The following PDE4D variants were observed in gnomAD, a reference collection of about 807,000 sequenced individuals.
The protein encoded by PDE4D is phosphodiesterase 4D, also known as 3',5'-cyclic-AMP phosphodiesterase 4D.
Under a neutral mutation model 87.4 loss-of-function variants are expected in PDE4D, and 24 were observed. The observed-to-expected ratio is 0.27, with a 90% CI of 0.20 to 0.39. The LOEUF is 0.39. Among genes scored for constraint, PDE4D ranks in the 10% least tolerant of loss-of-function variants. PDE4D has a pLI of 1.00. For missense variants in PDE4D, 714 were observed against 1,041.0 expected (o/e 0.69, Z 4.32); for synonymous variants, 384 against 383.2 (o/e 1.00, Z -0.02).
At chr5:59,035,850 T>C (rs564763919) in intron 6 of PDE4D, among the ~76,000 whole-genome samples, 2 of 152,342 alleles carry the variant, frequency 1.3e-5, no homozygotes, top group African/African-American at 4.8e-5. Flanking sequence ...GGCAGATTAA[T>C]GTGCTTATAA....
At chr5:60,513,774 G>C (rs1187899510) in intron 1 of PDE4D, among the ~76,000 whole-genome samples, 1 of 151,830 alleles carries the variant, frequency 6.6e-6, no homozygotes, top group Non-Finnish European at 1.5e-5. Flanking sequence ...ATTTTGAACT[G>C]AATAAAAGTG....
chr5:59,983,573 A>G (rs920583041), intron 3 of PDE4D, among the ~76,000 whole-genome samples: 3 of 152,216 alleles, frequency 2.0e-5, no homozygotes, highest in African/African-American at 7.2e-5. Flanking sequence ...CACAAAGAAG[A>G]TATCCAAATG....
In PDE4D at chr5:60,310,898, A is replaced by C. The variant is rs190794030; in HGVS notation, c.-89-125211T>G. ...TCTGCAAGTGGGGGATAATCATTCC[A>C]TGTGCTCTCCTGTGTTCCCACCAGC... On this transcript the variant is annotated intron_variant, in intron 1 of 16. Coordinates refer to the PDE4D transcript ENST00000502484. 1.7e-3 allele frequency among the ~76,000 whole-genome samples: 258 copies of C among 152,268 alleles called. 3 individuals are homozygous for C. Among genetic ancestry groups the C allele is most frequent in the Non-Finnish European group, 2.3e-3 (156 of 68,022 alleles).
At chr5:60,233,282 C>T (rs1746025901) in intron 1 of PDE4D, among the ~76,000 whole-genome samples, 1 of 151,556 alleles carries the variant, frequency 6.6e-6, no homozygotes, top group Non-Finnish European at 1.5e-5. Flanking sequence ...TTAACATCTC[C>T]TATATGATAA....
chr5:59,349,071 AC>A (rs1295791755), intron 1 of PDE4D, among the ~76,000 whole-genome samples: 1 of 152,126 alleles, frequency 6.6e-6, no homozygotes, highest in Non-Finnish European at 1.5e-5. Flanking sequence ...ACAGAGTGAG[AC>A]CCTGCCTCTA....
At chr5:59,644,409 T>A (rs577342371) in intron 1 of PDE4D, among the ~76,000 whole-genome samples, 5 of 152,302 alleles carry the variant, frequency 3.3e-5, no homozygotes, top group African/African-American at 1.2e-4. Context: ...AATGGTTATA[T>A]CAGAGGTACC....
intron 1 of PDE4D, among the ~76,000 whole-genome samples, chr5:59,322,648 C>G (rs985991075): frequency 3.3e-5 from 5 of 152,104 alleles, no homozygotes; most frequent in African/African-American, 1.2e-4. Flanking sequence ...CTTCCTCATG[C>G]TCTCCTCCCT....
At chr5:59,668,329 G>A (rs1746415118) in intron 1 of PDE4D, among the ~76,000 whole-genome samples, 3 of 152,286 alleles carry the variant, frequency 2.0e-5, no homozygotes, top group Admixed American at 1.3e-4. Context: ...CCTCTTTACT[G>A]TTACATATTC....
intron 5 of PDE4D, among the ~76,000 whole-genome samples, chr5:59,072,347 T>C (rs1764988084): frequency 6.6e-6 from 1 of 152,162 alleles, no homozygotes. Flanking sequence ...TCAACAAATA[T>C]TTGAGCATCT....
chr5:60,185,609 T>C, exon 2 of PDE4D: 1 of 1,523,664 alleles, frequency 6.6e-7, no homozygotes, highest in East Asian at 2.5e-5. Flanking sequence ...CGTGGTGTTT[T>C]AAGTAATTAA....
chr5:59,292,857 G>T (rs1201151389), intron 1 of PDE4D, among the ~76,000 whole-genome samples: 1 of 152,080 alleles, frequency 6.6e-6, no homozygotes, highest in Admixed American at 6.6e-5. Context: ...GGAAAGAAAG[G>T]GAATTCTGGT....
At chr5:60,159,227 T>G (rs1782263917) in intron 2 of PDE4D, among the ~76,000 whole-genome samples, 1 of 152,182 alleles carries the variant, frequency 6.6e-6, no homozygotes, top group African/African-American at 2.4e-5. Flanking sequence ...ATAACACACA[T>G]GGAGCTGTCA....
In PDE4D at chr5:60,436,083, T is replaced by A. The variant is rs1423477051; in HGVS notation, c.-90+51859A>T. Among the ~76,000 whole-genome samples the A allele has an allele frequency of 2.6e-5, 4 of 152,076 alleles. No individual in the cohort carries two copies. In the East Asian group the frequency reaches 7.7e-4, roughly 29 times the overall value. ...AAGCCTGCCAGAGAAGCTTTTCAGG[T>A]AGCATTTCTTTAGGTAGGCAAATTC... On this transcript the variant is annotated intron_variant, in intron 1 of 16. Coordinates refer to the PDE4D transcript ENST00000502484.
At chr5:60,015,889 CTT>C (rs746017066) in intron 2 of PDE4D, among the ~76,000 whole-genome samples, 41 of 137,556 alleles carry the variant, frequency 3.0e-4, no homozygotes, top group Middle Eastern at 3.8e-3. Context: ...TGAACCAATT[CTT>C]TTTTTTTTTT....
At chr5:60,022,035 A>T (rs1766119421) in intron 2 of PDE4D, among the ~76,000 whole-genome samples, 1 of 152,136 alleles carries the variant, frequency 6.6e-6, no homozygotes, top group Non-Finnish European at 1.5e-5. Context: ...TTTTTGTGTA[A>T]TTAGTAGAAA....
chr5:60,465,373 C>T (rs910423314), intron 1 of PDE4D, among the ~76,000 whole-genome samples: 1 of 152,098 alleles, frequency 6.6e-6, no homozygotes, highest in African/African-American at 2.4e-5. Flanking sequence ...TTCCTTAAAA[C>T]ATAAGACATA....
At chr5:59,879,460 C>CTGT (rs1467045564) in intron 1 of PDE4D, among the ~76,000 whole-genome samples, 1 of 152,214 alleles carries the variant, frequency 6.6e-6, no homozygotes, top group Non-Finnish European at 1.5e-5. Context: ...ACAATTTCTA[C>CTGT]TGTTTAATAA....
intron 6 of PDE4D, among the ~76,000 whole-genome samples, chr5:59,000,145 C>A (rs1011056803): frequency 3.3e-5 from 5 of 152,020 alleles, no homozygotes; most frequent in African/African-American, 1.2e-4. Context: ...CTGAGGCCAC[C>A]CTGAGAAAAG....
chr5:60,233,725 T>C (rs1746087381), intron 1 of PDE4D, among the ~76,000 whole-genome samples: 1 of 151,852 alleles, frequency 6.6e-6, no homozygotes, highest in Admixed American at 6.6e-5. Flanking sequence ...CTGTTTTAAA[T>C]GCTTTTCAAA....
Sources: allele counts gnomAD v4.1 joint callset (sites outside exome capture counted in the v4.1 genomes callset), GRCh38; gene constraint gnomAD v4.1.1; transcripts MANE v1.5; gene names NCBI Gene and HGNC (gene_info 2026-07-23, HGNC 2026-07-21).